Variants in PDIA5 observed in about 807,000 individuals in gnomAD.
PDIA5 encodes protein disulfide-isomerase A5.
In PDIA5, 58 loss-of-function variants were observed where a neutral mutation model predicts 77.6. That is an observed-to-expected ratio of 0.75 (90% confidence interval 0.61 to 0.93). The LOEUF is 0.93. Ranked by LOEUF, PDIA5 falls within the 40% of genes least tolerant of loss-of-function variation. PDIA5 has a pLI of 0.00. For synonymous variants in PDIA5, 250 were observed against 252.1 expected (o/e 0.99, Z 0.08); for missense variants, 630 against 647.7 (o/e 0.97, Z 0.30).
chr3:123,071,316 C>G (rs1263775947), intron 1 of PDIA5, among the ~76,000 whole-genome samples: 2 of 152,090 alleles, frequency 1.3e-5, no homozygotes. Flanking sequence ...GGGTTCTTCC[C>G]ACTCATCCAT....
intron 8 of PDIA5, among the ~76,000 whole-genome samples, chr3:123,120,530 G>A (rs1200023015): frequency 6.6e-6 from 1 of 152,196 alleles, no homozygotes; most frequent in Non-Finnish European, 1.5e-5. Flanking sequence ...CCGCTTTCCT[G>A]TTAACACATT....
Position 123,129,890 on chromosome 3 carries a change from C to T in PDIA5, c.774-590C>T, listed in dbSNP as rs181799757. Among the ~76,000 whole-genome samples, 11 of 152,302 alleles carry T rather than the reference C, an allele frequency of 7.2e-5. No homozygotes were observed. In the East Asian group the frequency reaches 1.4e-3, roughly 19 times the overall value. The stretch of plus-strand genomic sequence containing the variant: ...ATTAGTGATGTAGCATACACGCTGT[C>T]GTAGTTAGGATACCCCCAGCCTTAC... On this transcript the variant is annotated intron_variant, in intron 10 of 16. Transcript: ENST00000316218.
chr3:123,095,697 C>G (rs962570911), intron 3 of PDIA5, among the ~76,000 whole-genome samples: 1 of 147,516 alleles, frequency 6.8e-6, no homozygotes, highest in Non-Finnish European at 1.5e-5. Context: ...TGCAGTGAGC[C>G]GAGATCACGC....
chr3:123,140,926 C>T (rs1361261066), intron 11 of PDIA5, among the ~76,000 whole-genome samples: 2 of 152,194 alleles, frequency 1.3e-5, no homozygotes, highest in East Asian at 1.9e-4. Flanking sequence ...GGTCACAGCT[C>T]CTCTTCCCAG....
intron 1 of PDIA5, among the ~76,000 whole-genome samples, chr3:123,088,540 A>G (rs1934202759): frequency 1.3e-5 from 2 of 152,204 alleles, no homozygotes; most frequent in African/African-American, 4.8e-5. Context: ...TAACATGAGG[A>G]ATATGGACAG....
chr3:123,074,840 C>T (rs2107904678), intron 1 of PDIA5, among the ~76,000 whole-genome samples: 1 of 152,212 alleles, frequency 6.6e-6, no homozygotes, highest in East Asian at 1.9e-4. Flanking sequence ...TCGTAGACTA[C>T]AGTGGAAAAA....
chr3:123,087,747 C>T (rs547157217), intron 1 of PDIA5, among the ~76,000 whole-genome samples: 34 of 152,278 alleles, frequency 2.2e-4, no homozygotes, highest in African/African-American at 3.9e-4. Flanking sequence ...TTTTGAAGAG[C>T]AAGGCACTAG....
rs187985830 is a variant in PDIA5, at chr3:123,155,052, C to T, written c.1344+11C>T. 9.5e-6 allele frequency: 15 copies of T among 1,575,700 alleles called. No homozygotes were observed. The Admixed American group carries it at 1.3e-4, about 14-fold the overall frequency. ...AAAGATGACCGAAAGGTAAGGACAG[C>T]GCTCTTCATCTCTTGATCTGCCTGC... On this transcript the variant is annotated intron_variant, in intron 15 of 16. Transcript: ENST00000316218.
At chr3:123,081,969 T>C (rs928726710) in intron 1 of PDIA5, among the ~76,000 whole-genome samples, 1 of 152,198 alleles carries the variant, frequency 6.6e-6, no homozygotes, top group African/African-American at 2.4e-5. Context: ...GGAGTTTGTG[T>C]GTGCTATGTT....
At chr3:123,095,083 T>A (rs1934398380) in intron 3 of PDIA5, among the ~76,000 whole-genome samples, 1 of 152,164 alleles carries the variant, frequency 6.6e-6, no homozygotes, top group Non-Finnish European at 1.5e-5. Context: ...AACTAGTTAG[T>A]TAGCTGCGCT....
intron 13 of PDIA5, among the ~76,000 whole-genome samples, chr3:123,149,223 G>A (rs1935830376): frequency 1.3e-5 from 2 of 152,204 alleles, no homozygotes; most frequent in African/African-American, 2.4e-5. Flanking sequence ...CTTCCAGCTG[G>A]AAATGCCTGA....
chr3:123,138,674 T>C (rs1935552015), intron 11 of PDIA5, among the ~76,000 whole-genome samples: 1 of 152,218 alleles, frequency 6.6e-6, no homozygotes, highest in Non-Finnish European at 1.5e-5. Flanking sequence ...TGCCCCAAGA[T>C]GCCTGTAACT....
intron 11 of PDIA5, among the ~76,000 whole-genome samples, chr3:123,143,746 C>T (rs1057026521): frequency 6.6e-6 from 1 of 152,286 alleles, no homozygotes; most frequent in East Asian, 1.9e-4. Flanking sequence ...GTTGTGGAGC[C>T]TCCCACTTGA....
At chr3:123,109,931 G>T (rs917755004) in intron 6 of PDIA5, among the ~76,000 whole-genome samples, 1 of 152,144 alleles carries the variant, frequency 6.6e-6, no homozygotes, top group Admixed American at 6.5e-5. Flanking sequence ...CCCATTGTGC[G>T]GGATGTGCCA....
chr3:123,157,119 G>C (rs1051736891), intron 15 of PDIA5, among the ~76,000 whole-genome samples: 1 of 152,168 alleles, frequency 6.6e-6, no homozygotes, highest in African/African-American at 2.4e-5. Context: ...TCTCCTTTCA[G>C]CTTCCTTTAT....
At chr3:123,077,549 TACACACACACACACAC>T (rs368009624) in intron 1 of PDIA5, among the ~76,000 whole-genome samples, 3 of 136,516 alleles carry the variant, frequency 2.2e-5, no homozygotes, top group East Asian at 2.2e-4. Flanking sequence ...CTCACACACA[TACACACACACACACAC>T]ACACACACAC....
At position 123,089,424 on chromosome 3, in the gene PDIA5, CT is replaced by C. The variant is rs1325602871; in HGVS notation, c.169+133del. The C allele has an allele frequency of 4.9e-6, 4 of 824,040 alleles. No homozygotes were observed. In the African/African-American group the frequency reaches 6.8e-5, roughly 14 times the overall value. 51.0% of individuals were successfully genotyped at this position (824,040 alleles called of 1,614,324 possible). ...GTCCAAGGGACATGGGGTTTGTCAC[CT>C]TTCCTCAGAAGACAGAGGCAGAGGC... On this transcript the variant is annotated intron_variant, in intron 2 of 16. Coordinates refer to ENST00000316218, the MANE Select transcript of PDIA5 (RefSeq NM_006810.4).
intron 8 of PDIA5, among the ~76,000 whole-genome samples, chr3:123,119,043 G>A (rs559786463): frequency 6.6e-6 from 1 of 152,282 alleles, no homozygotes; most frequent in Non-Finnish European, 1.5e-5. Context: ...TTGAGGCCAG[G>A]AGCTAGATAC....
intron 11 of PDIA5, among the ~76,000 whole-genome samples, chr3:123,132,709 C>T (rs1308065230): frequency 2.0e-5 from 3 of 152,206 alleles, no homozygotes; most frequent in Non-Finnish European, 2.9e-5. Flanking sequence ...CTGCTGGAAG[C>T]GAGTCTTGCA....
Sources: gnomAD v4.1 joint callset for allele counts (sites outside exome capture counted in the v4.1 genomes callset) on GRCh38, gnomAD v4.1.1 for gene constraint, MANE v1.5 for transcripts, NCBI Gene and HGNC (gene_info 2026-07-23, HGNC 2026-07-21) for gene names.